Variants in ADAMTS18 observed in about 807,000 individuals in gnomAD.
ADAMTS18 encodes the protein A disintegrin and metalloproteinase with thrombospondin motifs 18.
Under a neutral mutation model 165.9 loss-of-function variants are expected in ADAMTS18, and 157 were observed. The observed-to-expected ratio is 0.95, with a 90% CI of 0.83 to 1.08. ADAMTS18 has a LOEUF of 1.08. ADAMTS18 is among the 50% of genes least tolerant of loss of function. The probability of loss-of-function intolerance (pLI) is 0.00; values close to 1 mark genes in which losing one functional copy is unlikely to be tolerated. For synonymous variants in ADAMTS18, 782 were observed against 578.2 expected (o/e 1.35, Z -5.06); for missense variants, 2,040 against 1,534.0 (o/e 1.33, Z -5.51).
At chr16:77,325,769 T>G (rs1385919023) in intron 13 of ADAMTS18, 97 bp downstream of exon 13, 12 of 1,301,070 alleles carry the variant, frequency 9.2e-6, no homozygotes, top group Non-Finnish European at 1.2e-5. Context: ...AGGTAAACAT[T>G]CAAACTCTTT....
At chr16:77,376,366 G>A (rs2056952646) in intron 3 of ADAMTS18, among the ~76,000 whole-genome samples, 1 of 152,158 alleles carries the variant, frequency 6.6e-6, no homozygotes, top group Non-Finnish European at 1.5e-5. Flanking sequence ...CTCCAACACT[G>A]GGAATTACAA....
At chr16:77,368,996 T>C (rs1364677189) in intron 3 of ADAMTS18, among the ~76,000 whole-genome samples, 1 of 152,212 alleles carries the variant, frequency 6.6e-6, no homozygotes, top group Non-Finnish European at 1.5e-5. Flanking sequence ...TTGTACTCTA[T>C]CTTCTCTAGA....
intron 9 of ADAMTS18, among the ~76,000 whole-genome samples, chr16:77,355,556 G>C (rs1457110194): frequency 6.6e-6 from 1 of 152,148 alleles, no homozygotes; most frequent in African/African-American, 2.4e-5. Context: ...GCCTCTGGAA[G>C]TCACAGGGGA....
intron 3 of ADAMTS18, among the ~76,000 whole-genome samples, chr16:77,411,183 G>T (rs1212752517): frequency 3.3e-5 from 5 of 152,134 alleles, no homozygotes; most frequent in African/African-American, 1.2e-4. Context: ...TTGCCACAGG[G>T]CATTCATACT....
chr16:77,371,733 C>G (rs577199425), intron 3 of ADAMTS18, among the ~76,000 whole-genome samples: 1 of 152,094 alleles, frequency 6.6e-6, no homozygotes, highest in African/African-American at 2.4e-5. Context: ...TGGAGAAAAA[C>G]TCAAAAGCAC....
intron 3 of ADAMTS18, among the ~76,000 whole-genome samples, chr16:77,410,780 CT>C (rs2057452050): frequency 6.6e-6 from 1 of 152,126 alleles, no homozygotes; most frequent in Non-Finnish European, 1.5e-5. Flanking sequence ...CAGAAATGAG[CT>C]GGACCCAGAC....
intron 2 of ADAMTS18, among the ~76,000 whole-genome samples, chr16:77,432,740 A>C (rs1015438376): frequency 6.6e-6 from 1 of 151,504 alleles, no homozygotes; most frequent in Non-Finnish European, 1.5e-5. Flanking sequence ...TCTTTTCCCT[A>C]AACAGTCAAC....
chr16:77,327,760 G>T (rs1229850093), intron 12 of ADAMTS18, among the ~76,000 whole-genome samples: 1 of 152,126 alleles, frequency 6.6e-6, no homozygotes, highest in Non-Finnish European at 1.5e-5. Flanking sequence ...GGCATCAGAA[G>T]CTGTTCAAAC....
chr16:77,328,344 C>A (rs528661714), intron 12 of ADAMTS18, among the ~76,000 whole-genome samples: 1 of 152,016 alleles, frequency 6.6e-6, no homozygotes, highest in Non-Finnish European at 1.5e-5. Flanking sequence ...ACATGAAAGG[C>A]GGCTCCAGGT....
intron 12 of ADAMTS18, among the ~76,000 whole-genome samples, chr16:77,326,972 T>C (rs1352058915): frequency 6.6e-6 from 1 of 152,232 alleles, no homozygotes; most frequent in African/African-American, 2.4e-5. Flanking sequence ...CCCGCCTTAG[T>C]TGGCTTACAA....
chr16:77,360,013 C>T lies in ADAMTS18; in HGVS notation c.1217-590G>A, dbSNP rs541301968. On this transcript the variant is annotated intron_variant, in intron 7 of 22. Transcript: ENST00000282849. ...TCTAAGAGCCATTATAAAAGCATCCCGGCCAGCCCTTAAGTCTATCTTCAA... is the reference window on the plus strand; with the variant it reads ...TCTAAGAGCCATTATAAAAGCATCCTGGCCAGCCCTTAAGTCTATCTTCAA... Among the ~76,000 whole-genome samples the T allele has an allele frequency of 3.9e-5, 6 of 152,274 alleles. No individual in the cohort carries two copies. The South Asian group carries it at 6.2e-4, about 16-fold the overall frequency.
At chr16:77,368,473 G>C (rs1033871502) in intron 3 of ADAMTS18, among the ~76,000 whole-genome samples, 1 of 112,724 alleles carries the variant, frequency 8.9e-6, no homozygotes, top group Non-Finnish European at 1.8e-5. Context: ...GTTTCATTCT[G>C]TCCCTTAGGT....
At chr16:77,338,637 G>A (rs550240093) in intron 11 of ADAMTS18, among the ~76,000 whole-genome samples, 120 of 151,844 alleles carry the variant, frequency 7.9e-4, no homozygotes, top group African/African-American at 2.2e-3. Context: ...CTTTCTTTCC[G>A]TGCACACATA....
intron 16 of ADAMTS18, among the ~76,000 whole-genome samples, chr16:77,301,489 A>T (rs1028709656): frequency 2.6e-5 from 4 of 152,240 alleles, no homozygotes; most frequent in Admixed American, 6.5e-5. Flanking sequence ...AAGCATGAAT[A>T]TAAATAGCTG....
At chr16:77,421,527 G>A (rs774440945) in intron 3 of ADAMTS18, among the ~76,000 whole-genome samples, 6 of 152,328 alleles carry the variant, frequency 3.9e-5, no homozygotes, top group South Asian at 2.1e-4. Context: ...GGGAAACCAC[G>A]CAATTTCACC....
At chr16:77,351,663 C>T (rs981000911) in intron 10 of ADAMTS18, among the ~76,000 whole-genome samples, 1 of 152,066 alleles carries the variant, frequency 6.6e-6, no homozygotes, top group Non-Finnish European at 1.5e-5. Context: ...ACTTTTTCAA[C>T]AAAGTGAATG....
At chr16:77,423,334 G>A (rs1228658436) in intron 3 of ADAMTS18, among the ~76,000 whole-genome samples, 1 of 152,128 alleles carries the variant, frequency 6.6e-6, no homozygotes, top group African/African-American at 2.4e-5. Context: ...AGAACTGTCA[G>A]CAGTCAATTT....
chr16:77,434,313 C>A, intron 2 of ADAMTS18, 105 bp downstream of exon 2: 1 of 1,327,370 alleles, frequency 7.5e-7, no homozygotes, highest in Non-Finnish European at 1.0e-6. Context: ...CAGCGCACAC[C>A]TGCCAGGTTA....
At chr16:77,389,709 G>A (rs1177933922) in intron 3 of ADAMTS18, among the ~76,000 whole-genome samples, 1 of 152,178 alleles carries the variant, frequency 6.6e-6, no homozygotes, top group Non-Finnish European at 1.5e-5. Context: ...CTTCCTTAAA[G>A]AGGCTAAGGT....
Sources: gnomAD v4.1 joint callset for allele counts (sites outside exome capture counted in the v4.1 genomes callset) on GRCh38, gnomAD v4.1.1 for gene constraint, MANE v1.5 for transcripts, NCBI Gene and HGNC (gene_info 2026-07-23, HGNC 2026-07-21) for gene names.